The following AGO3 variants were observed in gnomAD, a reference collection of about 807,000 sequenced individuals.
AGO3 encodes the protein argonaute RISC catalytic component 3, also known as protein argonaute-3.
Under a neutral mutation model 105.5 loss-of-function variants are expected in AGO3, and 16 were observed. That is an observed-to-expected ratio of 0.15 (90% CI 0.10 to 0.23). The LOEUF is 0.23. Among genes scored for constraint, AGO3 ranks in the 10% least tolerant of loss-of-function variants. The pLI is 1.00. For synonymous variants in AGO3, 340 were observed against 367.3 expected, an observed-to-expected ratio of 0.93 and a Z score of 0.85; for missense variants, 534 against 1,088.0, an observed-to-expected ratio of 0.49 and a Z score of 7.16.
intron 1 of AGO3, among the ~76,000 whole-genome samples, chr1:35,931,663 T>C (rs756234533): frequency 1.4e-4 from 22 of 152,194 alleles, no homozygotes; most frequent in Non-Finnish European, 2.6e-4. Flanking sequence ...GGGGAAACGC[T>C]TGGAGGATTT....
chr1:35,948,411 G>A (rs930969387), intron 2 of AGO3, among the ~76,000 whole-genome samples: 12 of 151,992 alleles, frequency 7.9e-5, no homozygotes, highest in Admixed American at 2.6e-4. Context: ...TAGAGACTGG[G>A]TTTCTCCATG....
chr1:36,066,818 G>A lies in AGO3; in HGVS notation c.*11073G>A, dbSNP rs1425506912. 1.3e-5 allele frequency: 2 copies of A among 152,260 alleles called. No homozygotes were observed. Among genetic ancestry groups the A allele is most frequent in the East Asian group, 3.9e-4 (2 of 5,170 alleles). The allele number at this position is 152,260 out of a possible 1,614,324, so 9.4% of individuals were successfully genotyped here. A position where few individuals can be genotyped will look rare whatever the true frequency, so the allele number is the denominator to read the frequency against. ...AGGATTGTGAGAATATATAGTGAGGGGGGATTTAGGATAAGGCTTCCTTGC... is the reference window on the plus strand; with the variant it reads ...AGGATTGTGAGAATATATAGTGAGGAGGGATTTAGGATAAGGCTTCCTTGC... On this transcript the variant is annotated 3_prime_UTR_variant, in exon 19 of 19. Coordinates refer to ENST00000373191, the MANE Select transcript of AGO3 (RefSeq NM_024852.4).
chr1:35,963,538 CAGTT>C (rs1204938060), intron 2 of AGO3, among the ~76,000 whole-genome samples: 1 of 151,654 alleles, frequency 6.6e-6, no homozygotes, highest in Non-Finnish European at 1.5e-5. Flanking sequence ...GAAAGAAAAT[CAGTT>C]AGAAGAGGGA....
rs549007904 is a variant in AGO3 at position 36,063,575 on chromosome 1, T to C, written c.*7830T>C. 6.6e-5 allele frequency: 10 copies of C among 152,304 alleles called. No homozygotes were observed. In the East Asian group the frequency reaches 1.5e-3, roughly 23 times the overall value. 9.4% of individuals were successfully genotyped at this position (152,304 alleles called of 1,614,324 possible). On this transcript the variant is annotated 3_prime_UTR_variant, in exon 19 of 19. Coordinates refer to ENST00000373191, the MANE Select transcript of AGO3 (RefSeq NM_024852.4). Reference sequence around the variant, plus strand: ...TTCCCTAGCATACTTCTAAAGTTGATTGAATCCCTGAGTATCAATGAAGAA... The same window carrying C: ...TTCCCTAGCATACTTCTAAAGTTGACTGAATCCCTGAGTATCAATGAAGAA...
At chr1:36,049,242 GGGTGCAGT>G (rs1451803873) in intron 17 of AGO3, among the ~76,000 whole-genome samples, 1 of 152,132 alleles carries the variant, frequency 6.6e-6, no homozygotes, top group African/African-American at 2.4e-5. Flanking sequence ...TATTGGGGCT[GGGTGCAGT>G]GGCTCACGCC....
intron 1 of AGO3, among the ~76,000 whole-genome samples, chr1:35,935,042 G>A (rs1646125446): frequency 6.6e-6 from 1 of 152,162 alleles, no homozygotes; most frequent in Non-Finnish European, 1.5e-5. Flanking sequence ...TTTTGAAAGT[G>A]ATAAAGGTTT....
At chr1:35,965,056 A>G (rs1375619033) in intron 2 of AGO3, among the ~76,000 whole-genome samples, 1 of 151,340 alleles carries the variant, frequency 6.6e-6, no homozygotes, top group Non-Finnish European at 1.5e-5. Flanking sequence ...AGTCTCCTCC[A>G]TTTTGATCCT....
intron 2 of AGO3, among the ~76,000 whole-genome samples, chr1:35,952,697 G>C (rs1374046191): frequency 1.3e-5 from 2 of 152,072 alleles, no homozygotes; most frequent in African/African-American, 4.8e-5. Flanking sequence ...ATTCAGTATA[G>C]TAATGTGATG....
At chr1:35,968,914 T>G (rs1646818521) in intron 3 of AGO3, among the ~76,000 whole-genome samples, 1 of 152,050 alleles carries the variant, frequency 6.6e-6, no homozygotes, top group Non-Finnish European at 1.5e-5. Flanking sequence ...TTTTTTTTTT[T>G]GTTCGTTTTC....
In AGO3 at chr1:36,070,954, A is replaced by G. The variant is rs1476900742; in HGVS notation, c.*15209A>G. 6.6e-6 allele frequency: 1 copy of G among 152,212 alleles called. No individual in the cohort carries two copies. Among genetic ancestry groups the G allele is most frequent in the East Asian group, 1.9e-4 (1 of 5,206 alleles). 9.4% of individuals were successfully genotyped at this position (152,212 alleles called of 1,614,324 possible). A position where few individuals can be genotyped will look rare whatever the true frequency, so the allele number is the denominator to read the frequency against. ...GTGGATGCATTCATAGGCTTTGGGA[A>G]GCAGTGGTGTGCGTATGTGTGTCTA... On this transcript the variant is annotated 3_prime_UTR_variant, in exon 19 of 19. Coordinates refer to ENST00000373191, the MANE Select transcript of AGO3 (RefSeq NM_024852.4).
chr1:35,973,567 G>C, intron 5 of AGO3, 56 bp downstream of exon 5: 2 of 1,365,662 alleles, frequency 1.5e-6, no homozygotes, highest in South Asian at 4.4e-5. Context: ...TATGATGTGT[G>C]TACATAAATT....
intron 1 of AGO3, among the ~76,000 whole-genome samples, chr1:35,933,859 T>C (rs1158714840): frequency 1.3e-5 from 2 of 152,084 alleles, no homozygotes; most frequent in Non-Finnish European, 2.9e-5. Context: ...CACAGAAAAC[T>C]GTTAAATTTG....
chr1:36,004,976 A>C (rs1640271587), intron 6 of AGO3, among the ~76,000 whole-genome samples: 1 of 152,250 alleles, frequency 6.6e-6, no homozygotes, highest in South Asian at 2.1e-4. Flanking sequence ...TATAGAGTTG[A>C]CTGTTGATCT....
rs1490496034 is a variant in AGO3 at position 35,952,144 on chromosome 1, CTTTCTTT to C, written c.191+6285_191+6291del. ...TCTTTCTTTCTTTCTTTCTTTCTTT[CTTTCTTT>C]TTTTTTTTTTTTTTTGACAGAGTCT... On this transcript the variant is annotated intron_variant, in intron 2 of 18. Coordinates refer to ENST00000373191, the MANE Select transcript of AGO3 (RefSeq NM_024852.4). 1.3e-4 allele frequency among the ~76,000 whole-genome samples: 9 copies of C among 67,966 alleles called. No individual in the cohort carries two copies. The African/African-American group carries it at 1.5e-3, about 11-fold the overall frequency. The allele number at this position is 67,966 out of a possible 152,430, so 44.6% of individuals were successfully genotyped here. A position where few individuals can be genotyped will look rare whatever the true frequency, so the allele number is the denominator to read the frequency against.
At chr1:36,042,232 G>A (rs372497344) in intron 16 of AGO3, among the ~76,000 whole-genome samples, 1 of 152,188 alleles carries the variant, frequency 6.6e-6, no homozygotes, top group East Asian at 1.9e-4. Context: ...TTACAGGCAT[G>A]TGCCACCACA....
At chr1:36,015,890 A>C (rs1452703390) in intron 11 of AGO3, among the ~76,000 whole-genome samples, 1 of 152,228 alleles carries the variant, frequency 6.6e-6, no homozygotes, top group Non-Finnish European at 1.5e-5. Context: ...AATTAAATTT[A>C]ACAGAGTTTA....
chr1:35,996,930 A>G (rs933391073), intron 5 of AGO3, among the ~76,000 whole-genome samples: 2 of 152,166 alleles, frequency 1.3e-5, no homozygotes, highest in African/African-American at 4.8e-5. Flanking sequence ...AATGTTGACA[A>G]AGATTTGGAG....
rs149754737 is a variant in AGO3, at chr1:36,036,524, C to T, written c.1842+257C>T. 1.8e-3 allele frequency among the ~76,000 whole-genome samples: 281 copies of T among 152,070 alleles called. 1 individual carries two copies. Among genetic ancestry groups the T allele is most frequent in the Non-Finnish European group, 3.0e-3 (207 of 68,000 alleles). ...TCTACTTGACCTCTCCATGATTATGCATTTTTAGTTACTTTTTGTTGTTTT... is the reference window on the plus strand; with the variant it reads ...TCTACTTGACCTCTCCATGATTATGTATTTTTAGTTACTTTTTGTTGTTTT... On this transcript the variant is annotated intron_variant, in intron 14 of 18. Coordinates refer to ENST00000373191, the MANE Select transcript of AGO3 (RefSeq NM_024852.4).
Position 35,931,160 on chromosome 1 carries a change from C to T in AGO3, c.-267C>T. 1 of 397,812 alleles carries T rather than the reference C, an allele frequency of 2.5e-6. No homozygotes were observed. The highest frequency in any genetic ancestry group is 4.4e-6 in the Non-Finnish European group (1 of 225,592). 24.6% of individuals were successfully genotyped at this position (397,812 alleles called of 1,614,324 possible). A position where few individuals can be genotyped will look rare whatever the true frequency, so the allele number is the denominator to read the frequency against. On this transcript the variant is annotated 5_prime_UTR_variant, in exon 1 of 19. Transcript: ENST00000373191. Reference sequence around the variant, plus strand: ...GGAGCGGTGGGAGCGTCGGCGGCCGCGGGCGATGCAACTTCCGGACGGGAC... The same window carrying T: ...GGAGCGGTGGGAGCGTCGGCGGCCGTGGGCGATGCAACTTCCGGACGGGAC...
Sources: allele counts gnomAD v4.1 joint callset (sites outside exome capture counted in the v4.1 genomes callset), GRCh38; gene constraint gnomAD v4.1.1; transcripts MANE v1.5; gene names NCBI Gene and HGNC (gene_info 2026-07-23, HGNC 2026-07-21).